Variants in LAMA3 observed in about 807,000 individuals in gnomAD.
LAMA3 encodes laminin subunit alpha 3, also known as laminin subunit alpha-3.
LAMA3 carries 281 observed loss-of-function variants against 402.0 expected under a neutral mutation model. That is an observed-to-expected ratio of 0.70 (90% CI 0.63 to 0.77). The LOEUF (loss-of-function observed/expected upper bound fraction) is 0.77. Among genes scored for constraint, LAMA3 ranks in the 30% least tolerant of loss-of-function variants. The pLI is 0.00. For synonymous variants in LAMA3, 1,431 were observed against 1,558.4 expected (o/e 0.92, Z 1.93); for missense variants, 3,840 against 4,215.5 (o/e 0.91, Z 2.47).
At chr18:23,722,667 G>A (rs1030330523) in intron 2 of LAMA3, among the ~76,000 whole-genome samples, 1 of 152,174 alleles carries the variant, frequency 6.6e-6, no homozygotes, top group African/African-American at 2.4e-5. Context: ...GCTGTAGGCA[G>A]TCAACATAAA....
chr18:23,903,164 A>C (rs756830954), intron 49 of LAMA3, 39 bp downstream of exon 49: 7 of 1,228,944 alleles, frequency 5.7e-6, no homozygotes, highest in South Asian at 1.2e-5. Context: ...ATCTAAAAAC[A>C]TTTTAATTAT....
chr18:23,788,233 G>C (rs1172904036), intron 12 of LAMA3, among the ~76,000 whole-genome samples: 1 of 151,790 alleles, frequency 6.6e-6, no homozygotes, highest in Non-Finnish European at 1.5e-5. Flanking sequence ...AAAATGTATT[G>C]CTGGATTTTA....
At chr18:23,903,257 A>C (rs2081133987) in intron 49 of LAMA3, 132 bp downstream of exon 49, 1 of 660,856 alleles carries the variant, frequency 1.5e-6, no homozygotes, top group East Asian at 2.7e-5. Context: ...GAATATAATG[A>C]AATGTTAACA....
intron 18 of LAMA3, among the ~76,000 whole-genome samples, chr18:23,818,669 G>A (rs2063223976): frequency 6.6e-6 from 1 of 152,022 alleles, no homozygotes; most frequent in Non-Finnish European, 1.5e-5. Flanking sequence ...AAAGTAAAAA[G>A]GCAAAGAAAA....
intron 1 of LAMA3, among the ~76,000 whole-genome samples, chr18:23,690,723 G>A (rs1280707666): frequency 6.6e-6 from 1 of 150,410 alleles, no homozygotes; most frequent in Non-Finnish European, 1.5e-5. Context: ...GGATCCTCCC[G>A]CCTCAGCCTT....
At chr18:23,882,086 C>T (rs1381281237) in intron 40 of LAMA3, 41 bp downstream of exon 40, 5 of 1,357,446 alleles carry the variant, frequency 3.7e-6, no homozygotes, top group Non-Finnish European at 5.3e-6. Flanking sequence ...GACCCAAAGT[C>T]GTTTGGTGGC....
At chr18:23,843,180 GA>G (rs2063742418) in intron 29 of LAMA3, among the ~76,000 whole-genome samples, 1 of 151,958 alleles carries the variant, frequency 6.6e-6, no homozygotes, top group South Asian at 2.1e-4. Context: ...TTTCTCCTTG[GA>G]TACATCTTCC....
chr18:23,898,277 G>A (rs2145094056), intron 44 of LAMA3: 1 of 172,606 alleles, frequency 5.8e-6, no homozygotes, highest in Non-Finnish European at 1.2e-5. Context: ...TGCAATATGA[G>A]GCTGTTCAGC....
At chr18:23,932,740 C>A (rs2082199651) in intron 66 of LAMA3, among the ~76,000 whole-genome samples, 1 of 152,122 alleles carries the variant, frequency 6.6e-6, no homozygotes, top group Non-Finnish European at 1.5e-5. Flanking sequence ...GGCTTCCATG[C>A]AAGTGTTTAC....
At chr18:23,810,261 T>A (rs1323483942) in intron 12 of LAMA3, 105 bp from the exon 13 acceptor site, 8 of 1,338,496 alleles carry the variant, frequency 6.0e-6, no homozygotes, top group Non-Finnish European at 3.2e-6. Flanking sequence ...GGAATTTGTG[T>A]TTGGGTCTTT....
intron 12 of LAMA3, 69 bp downstream of exon 12, chr18:23,784,226 G>T: frequency 1.9e-6 from 3 of 1,579,710 alleles, no homozygotes; most frequent in South Asian, 1.1e-5. Flanking sequence ...AGGAAATGCA[G>T]ATCTTTCTGG....
intron 1 of LAMA3, among the ~76,000 whole-genome samples, chr18:23,706,057 T>A (rs2060883865): frequency 6.6e-6 from 1 of 152,240 alleles, no homozygotes; most frequent in African/African-American, 2.4e-5. Context: ...TGCTTGCTCA[T>A]AACTTTATAA....
chr18:23,726,168 A>G (rs4800507), intron 2 of LAMA3, among the ~76,000 whole-genome samples: 90,848 of 152,044 alleles, frequency 0.6, 27,637 homozygotes, highest in Middle Eastern at 0.67. Context: ...AGAGCCGGGA[A>G]ATGCAGCACC....
chr18:23,885,281 C>G (rs2065035040), intron 41 of LAMA3, among the ~76,000 whole-genome samples: 1 of 151,654 alleles, frequency 6.6e-6, no homozygotes, highest in Non-Finnish European at 1.5e-5. Flanking sequence ...ACTGTCTACA[C>G]TCTTCCGTAC....
rs560435721 is a variant in LAMA3 at position 23,848,175 on chromosome 18, C to T, written c.4136+507C>T. Among the ~76,000 whole-genome samples, 7 of 152,290 alleles carry T rather than the reference C, an allele frequency of 4.6e-5. No homozygotes were observed. The South Asian group carries it at 1.5e-3, about 32-fold the overall frequency. The stretch of plus-strand genomic sequence containing the variant: ...GCTGGAAGGGGAGCTGAGGCCTCCA[C>T]AGCAGGGCTTGGTGGGAGTGAGGAG... On this transcript the variant is annotated intron_variant, in intron 32 of 74. Coordinates refer to ENST00000313654, the MANE Select transcript of LAMA3 (RefSeq NM_198129.4).
chr18:23,879,119 C>A lies in LAMA3; in HGVS notation c.5112+2712C>A, dbSNP rs1030038679. Among the ~76,000 whole-genome samples, 1 of 152,046 alleles carries A rather than the reference C, an allele frequency of 6.6e-6. No individual in the cohort carries two copies. The highest frequency in any genetic ancestry group is 6.6e-5 in the Admixed American group (1 of 15,254). On this transcript the variant is annotated intron_variant, in intron 39 of 74. Transcript: ENST00000313654. The surrounding 1 kb of genome is among the most constrained non-coding windows in gnomAD (Gnocchi z 4.2). The stretch of plus-strand genomic sequence containing the variant: ...TTTTCTGCTACTTGAGCCCATCTTC[C>A]CCTCTGCAGTTGCAATGGAATTTCC...
chr18:23,820,451 A>G (rs763954263), intron 19 of LAMA3, among the ~76,000 whole-genome samples: 4 of 152,138 alleles, frequency 2.6e-5, no homozygotes, highest in Non-Finnish European at 4.4e-5. Flanking sequence ...TAAACTTTGA[A>G]TTGCTATGTA....
intron 41 of LAMA3, 151 bp from the exon 42 acceptor site, chr18:23,889,860 G>GT (rs2080592114): frequency 1.3e-6 from 1 of 745,096 alleles, no homozygotes; most frequent in South Asian, 1.4e-5. Flanking sequence ...AAATACCTCT[G>GT]TATTGAGAAA....
intron 28 of LAMA3, 40 bp from the exon 29 acceptor site, chr18:23,842,571 G>C: frequency 3.1e-6 from 5 of 1,614,212 alleles, no homozygotes; most frequent in Non-Finnish European, 4.2e-6. Flanking sequence ...TGAATCTACA[G>C]TCCGGTGCAT....
Sources: gnomAD v4.1 joint callset for allele counts (sites outside exome capture counted in the v4.1 genomes callset) on GRCh38, gnomAD v4.1.1 for gene constraint, Gnocchi (gnomAD v3.1) non-coding constraint, MANE v1.5 for transcripts, NCBI Gene and HGNC (gene_info 2026-07-23, HGNC 2026-07-21) for gene names.